The following CCDC14 variants were observed in gnomAD, a reference collection of about 807,000 sequenced individuals.
CCDC14 encodes the protein coiled-coil domain containing 14, also known as coiled-coil domain-containing protein 14.
A neutral mutation model predicts 81.4 loss-of-function variants in CCDC14; 71 were observed. That is an observed-to-expected ratio of 0.87 (90% CI 0.72 to 1.06). CCDC14 has a LOEUF of 1.06. Among genes scored for constraint, CCDC14 ranks in the 50% least tolerant of loss-of-function variants. The probability of loss-of-function intolerance (pLI) is 0.00; values close to 1 mark genes in which losing one functional copy is unlikely to be tolerated. For synonymous variants in CCDC14, 332 were observed against 364.8 expected, an observed-to-expected ratio of 0.91 and a Z score of 1.03; for missense variants, 1,046 against 1,047.3, an observed-to-expected ratio of 1.00 and a Z score of 0.02.
chr3:123,937,784 T>C (rs1179798046), intron 9 of CCDC14, among the ~76,000 whole-genome samples: 1 of 151,960 alleles, frequency 6.6e-6, no homozygotes, highest in African/African-American at 2.4e-5. Context: ...AGAGGTTTTG[T>C]AGTTTTAGTT....
downstream of CCDC14, among the ~76,000 whole-genome samples, chr3:123,909,126 GTC>G (rs1559757232): frequency 6.6e-6 from 1 of 151,704 alleles, no homozygotes. Flanking sequence ...TTTGAATCTG[GTC>G]TCTTACCCCA....
At chr3:123,934,105 T>C (rs554600159) in intron 9 of CCDC14, among the ~76,000 whole-genome samples, 2 of 152,058 alleles carry the variant, frequency 1.3e-5, no homozygotes, top group East Asian at 3.9e-4. Flanking sequence ...AAACCCCATC[T>C]CTACTAAAAA....
At chr3:123,893,816 A>G (rs915102491), downstream of CCDC14, among the ~76,000 whole-genome samples, 10 of 152,160 alleles carry the variant, frequency 6.6e-5, no homozygotes, top group Non-Finnish European at 1.5e-4. Context: ...TACCCTAATG[A>G]CTAAAATTGT....
At chr3:123,897,060 G>A (rs1301637501), downstream of CCDC14, among the ~76,000 whole-genome samples, 1 of 152,160 alleles carries the variant, frequency 6.6e-6, no homozygotes, top group Non-Finnish European at 1.5e-5. Context: ...CAACTGGTAA[G>A]TGATGGCATT....
intron 5 of CCDC14, among the ~76,000 whole-genome samples, chr3:123,906,974 G>A (rs947677756): frequency 6.6e-6 from 1 of 152,084 alleles, no homozygotes; most frequent in Non-Finnish European, 1.5e-5. Context: ...TCTTGGCCCT[G>A]GACTCTTGCT....
intron 5 of CCDC14, among the ~76,000 whole-genome samples, chr3:123,951,472 T>C (rs2037019161): frequency 6.6e-6 from 1 of 152,204 alleles, no homozygotes; most frequent in Non-Finnish European, 1.5e-5. Flanking sequence ...TTACCAGAAA[T>C]ACAATTTTAT....
chr3:123,939,386 GATTGTTTTGC>G (rs1424483207), intron 9 of CCDC14, among the ~76,000 whole-genome samples: 1 of 147,336 alleles, frequency 6.8e-6, no homozygotes, highest in Non-Finnish European at 1.5e-5. Flanking sequence ...TGTTGGTGTT[GATTGTTTTGC>G]ATGGTTTTTC....
chr3:123,888,509 T>A, the CCDC14 span, among the ~76,000 whole-genome samples: 1 of 152,202 alleles, frequency 6.6e-6, no homozygotes, highest in Non-Finnish European at 1.5e-5. Context: ...CTTGCATTAG[T>A]CAGTTTTCAC....
downstream of CCDC14, among the ~76,000 whole-genome samples, chr3:123,893,919 G>T (rs899393282): frequency 1.3e-5 from 2 of 151,842 alleles, no homozygotes; most frequent in African/African-American, 4.8e-5. Context: ...TAAATTGCAG[G>T]GTTCTTTACA....
intron 12 of CCDC14, among the ~76,000 whole-genome samples, chr3:123,916,795 T>C (rs2034726629): frequency 6.6e-6 from 1 of 152,104 alleles, no homozygotes; most frequent in African/African-American, 2.4e-5. Flanking sequence ...GGGTGTTTGT[T>C]TGTTTGATGG....
intron 5 of CCDC14, among the ~76,000 whole-genome samples, chr3:123,904,203 G>C (rs931698736): frequency 1.3e-5 from 2 of 151,732 alleles, no homozygotes; most frequent in African/African-American, 2.4e-5. Context: ...TTTCCCTAAG[G>C]TACTTCTAAG....
chr3:123,961,110 C>T (rs2037660129), intron 1 of CCDC14, 34 bp downstream of exon 1: 3 of 1,525,220 alleles, frequency 2.0e-6, no homozygotes, highest in Non-Finnish European at 2.7e-6. Flanking sequence ...CCTCTCCATC[C>T]CCACAGCGGA....
In CCDC14 at chr3:123,913,583, A is replaced by G. The variant is rs1251579241; in HGVS notation, c.*1196T>C. The G allele has an allele frequency of 4.7e-5, 46 of 983,304 alleles. No homozygotes were observed. Among genetic ancestry groups the G allele is most frequent in the Admixed American group, 1.2e-4 (2 of 16,240 alleles). 60.9% of individuals were successfully genotyped at this position (983,304 alleles called of 1,614,324 possible). On this transcript the variant is annotated 3_prime_UTR_variant, in exon 13 of 13. Coordinates refer to ENST00000409697, the MANE Select transcript of CCDC14 (RefSeq NM_001366335.1). ...GAAATAGTTTAGAATTCACTTAATA[A>G]ATTTTTAGACTTAAATCTCTATCTG...
chr3:123,924,538 G>A (rs968532074), intron 12 of CCDC14, among the ~76,000 whole-genome samples: 8 of 152,024 alleles, frequency 5.3e-5, no homozygotes, highest in African/African-American at 1.4e-4. Context: ...CAAACCGTAC[G>A]TGATAAGGGG....
chr3:123,954,944 T>A (rs1259653578), intron 5 of CCDC14: 1 of 152,132 alleles, frequency 6.6e-6, no homozygotes, highest in South Asian at 2.1e-4. Flanking sequence ...TATAAAGCTA[T>A]CATTACTGGC....
chr3:123,945,917 TGGGA>T (rs1037486937), intron 8 of CCDC14, among the ~76,000 whole-genome samples: 1 of 152,110 alleles, frequency 6.6e-6, no homozygotes, highest in African/African-American at 2.4e-5. Flanking sequence ...ATAGGGCTGC[TGGGA>T]GGATTAAATG....
In CCDC14 at chr3:123,949,232, C is replaced by T. The variant is rs1577323393; in HGVS notation, c.353-100G>A. The T allele has an allele frequency of 1.2e-5, 8 of 666,258 alleles. No individual in the cohort carries two copies. The East Asian group carries it at 2.2e-4, about 18-fold the overall frequency. 41.3% of individuals were successfully genotyped at this position (666,258 alleles called of 1,614,324 possible). On this transcript the variant is annotated intron_variant, in intron 5 of 12. Transcript: ENST00000409697. ...AAGGGCTCTCAGAAGTAGTCCAATC[C>T]ATCACATACTTCATAGAAGGGCTTT...
At chr3:123,927,394 G>A (rs1189554915) in intron 12 of CCDC14, among the ~76,000 whole-genome samples, 1 of 152,088 alleles carries the variant, frequency 6.6e-6, no homozygotes, top group African/African-American at 2.4e-5. Flanking sequence ...TCCAGCTTGG[G>A]TGACAGAGCG....
intron 5 of CCDC14, among the ~76,000 whole-genome samples, chr3:123,906,173 CAAA>C (rs1320959150): frequency 3.3e-5 from 5 of 151,656 alleles, no homozygotes; most frequent in African/African-American, 1.2e-4. Flanking sequence ...ACTAAAAACA[CAAA>C]AAAATTAGCC....
Sources: gnomAD v4.1 joint callset for allele counts (sites outside exome capture counted in the v4.1 genomes callset) on GRCh38, gnomAD v4.1.1 for gene constraint, MANE v1.5 for transcripts, NCBI Gene and HGNC (gene_info 2026-07-23, HGNC 2026-07-21) for gene names.